EML6: variants seen among roughly 807,000 people sequenced by gnomAD.
The protein encoded by EML6 is EMAP like 6.
Under a neutral mutation model 240.1 loss-of-function variants are expected in EML6, and 154 were observed. The observed-to-expected ratio is 0.64, with a 90% CI of 0.56 to 0.73. The LOEUF (loss-of-function observed/expected upper bound fraction) is 0.73. EML6 is among the 30% of genes least tolerant of loss of function. The pLI, the probability that EML6 is intolerant of heterozygous loss-of-function variation, is 0.00. For synonymous variants in EML6, 1,148 were observed against 899.0 expected (o/e 1.28, Z -4.95); for missense variants, 2,964 against 2,474.6 (o/e 1.20, Z -4.20).
chr2:54,854,839 G>T (rs534068403), intron 11 of EML6, among the ~76,000 whole-genome samples: 1 of 152,202 alleles, frequency 6.6e-6, no homozygotes, highest in Non-Finnish European at 1.5e-5. Flanking sequence ...CCCCACAAGA[G>T]CCCTTTGAGT....
At chr2:54,844,427 G>A (rs1044221456) in intron 8 of EML6, among the ~76,000 whole-genome samples, 179 bp downstream of exon 8, 3 of 152,120 alleles carry the variant, frequency 2.0e-5, no homozygotes, top group Non-Finnish European at 2.9e-5. Flanking sequence ...TGTCTTTCTT[G>A]GCTGCATCTT....
chr2:54,857,002 G>T (rs1269593214), intron 11 of EML6, among the ~76,000 whole-genome samples: 1 of 152,174 alleles, frequency 6.6e-6, no homozygotes, highest in East Asian at 1.9e-4. Flanking sequence ...AGATGGACTG[G>T]ATATGAGAAT....
chr2:54,961,129 GT>G (rs1463832846), intron 35 of EML6, among the ~76,000 whole-genome samples: 2 of 148,180 alleles, frequency 1.3e-5, no homozygotes, highest in African/African-American at 2.5e-5. Context: ...TGGAAGGGTA[GT>G]TATGGGAGAT....
intron 4 of EML6, 25 bp from the exon 5 acceptor site, chr2:54,820,369 T>A: frequency 2.0e-6 from 3 of 1,506,750 alleles, no homozygotes; most frequent in Non-Finnish European, 2.7e-6. Flanking sequence ...ATGATCAACA[T>A]GGCAACTTTT....
Position 54,725,000 on chromosome 2 carries a change from C to T in EML6, c.-62C>T. 3.7e-6 allele frequency: 5 copies of T among 1,359,328 alleles called. No individual in the cohort carries two copies. The highest frequency in any genetic ancestry group is 3.9e-5 in the Admixed American group (1 of 25,840). The allele number at this position is 1,359,328 out of a possible 1,614,324, so 84.2% of individuals were successfully genotyped here. The stretch of plus-strand genomic sequence containing the variant: ...AGCCCCTGCAGGTCCGCCGCAGCCC[C>T]AGCCTCGGCGAGGACGGCCCCGGCG... On this transcript the variant is annotated 5_prime_UTR_variant, in exon 2 of 42. Transcript: ENST00000356458. This position sits in a 1 kb window ranked among gnomAD's most constrained non-coding sequence, Gnocchi z 5.2.
intron 24 of EML6, among the ~76,000 whole-genome samples, chr2:54,904,656 G>A (rs1255745583): frequency 1.3e-5 from 2 of 152,060 alleles, no homozygotes; most frequent in East Asian, 1.9e-4. Flanking sequence ...TGAAGGGAGG[G>A]GAATGTGGAG....
intron 32 of EML6, among the ~76,000 whole-genome samples, chr2:54,955,164 G>A (rs959074686): frequency 2.6e-5 from 4 of 152,240 alleles, no homozygotes; most frequent in Non-Finnish European, 5.9e-5. Flanking sequence ...TGGTTCACCA[G>A]TATATCTCAC....
At chr2:54,863,455 A>T (rs945074042) in intron 12 of EML6, among the ~76,000 whole-genome samples, 1 of 152,062 alleles carries the variant, frequency 6.6e-6, no homozygotes, top group Non-Finnish European at 1.5e-5. Flanking sequence ...CCGGAGGAGG[A>T]GGTTGTAGTG....
chr2:54,791,103 G>A (rs1396276815), intron 2 of EML6, among the ~76,000 whole-genome samples: 1 of 152,136 alleles, frequency 6.6e-6, no homozygotes, highest in African/African-American at 2.4e-5. Context: ...CATTTCTTCT[G>A]AATAAATATT....
intron 28 of EML6, among the ~76,000 whole-genome samples, chr2:54,938,533 C>T (rs1270496622): frequency 1.3e-5 from 2 of 152,182 alleles, no homozygotes; most frequent in Non-Finnish European, 2.9e-5. Flanking sequence ...ACCATCTCCT[C>T]CTGAAACACA....
intron 25 of EML6, among the ~76,000 whole-genome samples, chr2:54,911,500 GC>G (rs1673636406): frequency 6.6e-6 from 1 of 151,380 alleles, no homozygotes; most frequent in African/African-American, 2.4e-5. Context: ...CACCATCTTG[GC>G]TCACTGCAAC....
intron 28 of EML6, among the ~76,000 whole-genome samples, chr2:54,931,674 C>G (rs1043988135): frequency 6.6e-6 from 1 of 152,134 alleles, no homozygotes; most frequent in African/African-American, 2.4e-5. Context: ...GGTGCTTTTT[C>G]TAAACACTTG....
intron 3 of EML6, among the ~76,000 whole-genome samples, chr2:54,814,483 G>A (rs190623621): frequency 8.9e-4 from 136 of 152,272 alleles, no homozygotes; most frequent in Non-Finnish European, 1.7e-3. Flanking sequence ...TCCCTAAGGC[G>A]GGGCCTCTTC....
chr2:54,833,508 A>G (rs1414190755), intron 7 of EML6, among the ~76,000 whole-genome samples: 1 of 152,266 alleles, frequency 6.6e-6, no homozygotes, highest in Non-Finnish European at 1.5e-5. Flanking sequence ...CTTGACTTAC[A>G]GTAAAAACAA....
intron 7 of EML6, among the ~76,000 whole-genome samples, chr2:54,841,536 T>A (rs1001398852): frequency 4.0e-5 from 6 of 151,694 alleles, no homozygotes; most frequent in African/African-American, 1.5e-4. Flanking sequence ...GTACCCCAAA[T>A]TACCCCTTCT....
intron 24 of EML6, among the ~76,000 whole-genome samples, chr2:54,910,522 G>A (rs1370311809): frequency 6.6e-6 from 1 of 152,222 alleles, no homozygotes; most frequent in Non-Finnish European, 1.5e-5. Context: ...TCAGTCCTAA[G>A]TAAATGTGAA....
At chr2:54,785,754 A>G (rs188434287) in intron 2 of EML6, among the ~76,000 whole-genome samples, 5 of 151,794 alleles carry the variant, frequency 3.3e-5, no homozygotes, top group African/African-American at 7.2e-5. Flanking sequence ...TTTTGCATTC[A>G]TGACATATCT....
At chr2:54,967,312 C>G (rs1427190585) in intron 39 of EML6, 2 of 356,820 alleles carry the variant, frequency 5.6e-6, no homozygotes, top group Non-Finnish European at 1.0e-5. Context: ...TGCGAAGCCC[C>G]TCTTTTTGTG....
chr2:54,928,836 A>G, intron 28 of EML6, 85 bp downstream of exon 28: 2 of 1,476,726 alleles, frequency 1.4e-6, no homozygotes. Context: ...CTTTGCCCTC[A>G]AAGTTGCTGT....
Sources: allele counts gnomAD v4.1 joint callset (sites outside exome capture counted in the v4.1 genomes callset), GRCh38; gene constraint gnomAD v4.1.1; non-coding constraint Gnocchi (gnomAD v3.1); transcripts MANE v1.5; gene names NCBI Gene and HGNC (gene_info 2026-07-23, HGNC 2026-07-21).